Variants in SSH1 observed in about 807,000 individuals in gnomAD.
SSH1 encodes protein phosphatase Slingshot homolog 1.
SSH1 carries 43 observed loss-of-function variants against 79.7 expected under a neutral mutation model. That is an observed-to-expected ratio of 0.54 (90% CI 0.42 to 0.70). The LOEUF is 0.70. Ranked by LOEUF, SSH1 falls within the 30% of genes least tolerant of loss-of-function variation. SSH1 has a pLI of 0.00. For missense variants in SSH1, 1,206 were observed against 1,358.8 expected, an observed-to-expected ratio of 0.89 and a Z score of 1.77; for synonymous variants, 599 against 538.3, an observed-to-expected ratio of 1.11 and a Z score of -1.56.
Position 108,785,147 on chromosome 12 carries a change from C to G in SSH1, c.*2841G>C, listed in dbSNP as rs957179930. 1 of 152,144 alleles carries G rather than the reference C, an allele frequency of 6.6e-6. No individual in the cohort carries two copies. Among genetic ancestry groups the G allele is most frequent in the Admixed American group, 6.5e-5 (1 of 15,276 alleles). The allele number at this position is 152,144 out of a possible 1,614,324, so 9.4% of individuals were successfully genotyped here. On this transcript the variant is annotated 3_prime_UTR_variant, in exon 15 of 15. Coordinates refer to ENST00000326495, the MANE Select transcript of SSH1 (RefSeq NM_018984.4). ...ATTTTTTTGAGACGGAGTTTCACTC[C>G]CAGTTTCATTGCACCCAGGCTGGAG...
Position 108,782,611 on chromosome 12 carries a change from A to G in SSH1, c.*5377T>C, listed in dbSNP as rs897122170. The G allele has an allele frequency of 1.3e-5, 2 of 152,214 alleles. No homozygotes were observed. The highest frequency in any genetic ancestry group is 1.3e-4 in the Admixed American group (2 of 15,274). The allele number at this position is 152,214 out of a possible 1,614,324, so 9.4% of individuals were successfully genotyped here. A position where few individuals can be genotyped will look rare whatever the true frequency, so the allele number is the denominator to read the frequency against. ...TGCTCAATAAAGACTGGCCATGTCAATGACGATGATGATGACGATGTATCA... is the reference window on the plus strand; with the variant it reads ...TGCTCAATAAAGACTGGCCATGTCAGTGACGATGATGATGACGATGTATCA... On this transcript the variant is annotated 3_prime_UTR_variant, in exon 15 of 15. Coordinates refer to ENST00000326495, the MANE Select transcript of SSH1 (RefSeq NM_018984.4).
chr12:108,813,433 C>T (rs2037720069), intron 5 of SSH1, among the ~76,000 whole-genome samples: 1 of 151,856 alleles, frequency 6.6e-6, no homozygotes, highest in Non-Finnish European at 1.5e-5. Context: ...CATAATCCTG[C>T]TCGGGTGTGG....
In SSH1 at chr12:108,798,975, C is replaced by T. The variant is rs371422648; in HGVS notation, c.1349+25G>A. On this transcript the variant is annotated intron_variant, in intron 13 of 14. Transcript: ENST00000326495. ...TGGCTGCTCCAGCTCCGCCTGCCAA[C>T]CCTTCTCTCCAGGCAGGCACCCACC... 409 of 1,609,250 alleles carry T rather than the reference C, an allele frequency of 2.5e-4. 1 individual carries two copies. The African/African-American group carries it at 4.8e-3, about 19-fold the overall frequency.
intron 2 of SSH1, among the ~76,000 whole-genome samples, chr12:108,839,482 C>T (rs992447022): frequency 6.6e-6 from 1 of 152,150 alleles, no homozygotes; most frequent in Non-Finnish European, 1.5e-5. Context: ...CACTGAAGGC[C>T]CCTTCCTGTG....
chr12:108,843,180 A>G (rs532117114), intron 2 of SSH1, among the ~76,000 whole-genome samples: 1 of 152,290 alleles, frequency 6.6e-6, no homozygotes, highest in Non-Finnish European at 1.5e-5. Context: ...TTGAATGAAT[A>G]GCTCACAAGC....
At chr12:108,842,040 G>A (rs1238270395) in intron 2 of SSH1, among the ~76,000 whole-genome samples, 1 of 151,774 alleles carries the variant, frequency 6.6e-6, no homozygotes, top group East Asian at 1.9e-4. Context: ...GAGGTGGGAG[G>A]ACCAATTGAG....
intron 2 of SSH1, among the ~76,000 whole-genome samples, chr12:108,831,158 G>A (rs2038462980): frequency 6.6e-6 from 1 of 152,204 alleles, no homozygotes; most frequent in East Asian, 1.9e-4. Context: ...AAGAGGCCCT[G>A]TAAAGGGTCC....
chr12:108,839,301 C>G (rs1412256428), intron 2 of SSH1, among the ~76,000 whole-genome samples: 1 of 152,196 alleles, frequency 6.6e-6, no homozygotes, highest in Non-Finnish European at 1.5e-5. Context: ...CCTTAGGGAG[C>G]CTTCTTGCTG....
chr12:108,808,318 A>G (rs1200873684), intron 7 of SSH1, among the ~76,000 whole-genome samples: 6 of 152,240 alleles, frequency 3.9e-5, no homozygotes, highest in African/African-American at 1.4e-4. Context: ...ATAGCCTGAA[A>G]CATTCAGCCC....
intron 12 of SSH1, among the ~76,000 whole-genome samples, chr12:108,800,177 T>C (rs1254230073): frequency 6.6e-6 from 1 of 152,202 alleles, no homozygotes; most frequent in African/African-American, 2.4e-5. Flanking sequence ...CAAAGGGTTC[T>C]TTCTGTTCTT....
chr12:108,847,990 A>T (rs191395370), intron 2 of SSH1, among the ~76,000 whole-genome samples: 58 of 152,342 alleles, frequency 3.8e-4, no homozygotes, highest in African/African-American at 1.3e-3. Context: ...CCAGGTGAAA[A>T]GGAACTGGCC....
At chr12:108,831,418 T>C (rs767801344) in intron 2 of SSH1, among the ~76,000 whole-genome samples, 25 of 152,222 alleles carry the variant, frequency 1.6e-4, no homozygotes, top group African/African-American at 2.4e-5. Context: ...TGAGTGTCTA[T>C]TGTGTCCGGT....
At chr12:108,800,387 G>A (rs1463474891) in intron 12 of SSH1, among the ~76,000 whole-genome samples, 1 of 152,150 alleles carries the variant, frequency 6.6e-6, no homozygotes, top group African/African-American at 2.4e-5. Flanking sequence ...GTCCGTGCAT[G>A]TCATCCCCTA....
At chr12:108,813,806 G>GGAAGC (rs1468497068) in intron 5 of SSH1, among the ~76,000 whole-genome samples, 1 of 151,010 alleles carries the variant, frequency 6.6e-6, no homozygotes, top group Admixed American at 6.6e-5. Flanking sequence ...GAAAGGGAAG[G>GGAAGC]GAAGCGAAGG....
In SSH1 at chr12:108,783,972, C is replaced by T. The variant is rs139029769; in HGVS notation, c.*4016G>A. On this transcript the variant is annotated 3_prime_UTR_variant, in exon 15 of 15. Coordinates refer to ENST00000326495, the MANE Select transcript of SSH1 (RefSeq NM_018984.4). ...TTGCCAGAGGTGAAGGGGGTCCCCT[C>T]GCTGAGTTGCGTGTTTAGAGGAGCC... is the stretch of plus-strand genomic sequence containing the variant. The T allele has an allele frequency of 7.9e-5, 12 of 152,314 alleles. No individual in the cohort carries two copies. The highest frequency in any genetic ancestry group is 2.6e-4 in the African/African-American group (11 of 41,556). 9.4% of individuals were successfully genotyped at this position (152,314 alleles called of 1,614,324 possible).
intron 12 of SSH1, among the ~76,000 whole-genome samples, chr12:108,799,952 G>T (rs546593906): frequency 6.6e-6 from 1 of 152,358 alleles, no homozygotes; most frequent in African/African-American, 2.4e-5. Context: ...CCAGGTGGGA[G>T]CCGGCTCTGG....
intron 7 of SSH1, 73 bp downstream of exon 7, chr12:108,809,619 AG>A (rs1226886285): frequency 1.6e-6 from 2 of 1,270,258 alleles, no homozygotes; most frequent in East Asian, 2.3e-5. Context: ...TCTTGGTAGA[AG>A]GGGTTTTTCT....
intron 12 of SSH1, among the ~76,000 whole-genome samples, chr12:108,799,960 T>C (rs948136907): frequency 6.6e-6 from 1 of 152,248 alleles, no homozygotes; most frequent in African/African-American, 2.4e-5. Flanking sequence ...GAGCCGGCTC[T>C]GGTTTCCTAT....
chr12:108,796,448 T>C (rs955797142), intron 13 of SSH1, among the ~76,000 whole-genome samples: 1 of 152,236 alleles, frequency 6.6e-6, no homozygotes, highest in South Asian at 2.1e-4. Context: ...AAACATACAG[T>C]AGTTCTTTTC....
Sources: allele counts gnomAD v4.1 joint callset (sites outside exome capture counted in the v4.1 genomes callset), GRCh38; gene constraint gnomAD v4.1.1; transcripts MANE v1.5; gene names NCBI Gene and HGNC (gene_info 2026-07-23, HGNC 2026-07-21).